Variants in ADISSP observed in about 807,000 individuals in gnomAD.
ADISSP encodes adipose secreted signaling protein, also known as adipose-secreted signaling protein.
At chr20:3,760,190 A>G in the ADISSP span, 2 of 1,119,902 alleles carry the variant, frequency 1.8e-6, no homozygotes, top group Non-Finnish European at 2.7e-6. Flanking sequence ...CGGGAGCCTG[A>G]AGGATAGGGA....
the ADISSP span, chr20:3,768,286 C>T: frequency 6.6e-6 from 1 of 152,396 alleles, no homozygotes; most frequent in African/African-American, 2.4e-5. Context: ...GGGTTTGGAC[C>T]TCTTCCCCTT....
chr20:3,758,759 G>A, the ADISSP span: 2 of 1,299,814 alleles, frequency 1.5e-6, no homozygotes, highest in Admixed American at 2.0e-5. This position sits in a 1 kb window ranked among gnomAD's most constrained non-coding sequence, Gnocchi z 5.5. Flanking sequence ...TCACCCCCAA[G>A]ACTGCCCTTG....
the ADISSP span, among the ~76,000 whole-genome samples, chr20:3,759,076 G>C: frequency 6.6e-6 from 1 of 152,150 alleles, no homozygotes; most frequent in African/African-American, 2.4e-5. This position sits in a 1 kb window ranked among gnomAD's most constrained non-coding sequence, Gnocchi z 4.6. Context: ...CCCCATCCCT[G>C]GGGCCTACCC....
At chr20:3,766,220 T>C in the ADISSP span, among the ~76,000 whole-genome samples, 105 of 152,254 alleles carry the variant, frequency 6.9e-4, no homozygotes, top group African/African-American at 2.4e-3. Context: ...AGAACAGCCA[T>C]TGAGGCCTTG....
chr20:3,758,433 G>T, the ADISSP span: 1 of 1,055,356 alleles, frequency 9.5e-7, no homozygotes. The surrounding 1 kb of genome is among the most constrained non-coding windows in gnomAD (Gnocchi z 5.5). Context: ...GAAAGGCACA[G>T]ACATGCCTAT....
At chr20:3,753,975 G>A in the ADISSP span, 19 of 1,077,538 alleles carry the variant, frequency 1.8e-5, no homozygotes, top group Non-Finnish European at 2.2e-5. Flanking sequence ...GAGGGGCGAG[G>A]AAGCCACACC....
At chr20:3,753,866 G>T in the ADISSP span, 1 of 606,890 alleles carries the variant, frequency 1.6e-6, no homozygotes, top group African/African-American at 1.8e-5. Context: ...AGAGGAGGAA[G>T]TGGGAGAGGA....
the ADISSP span, among the ~76,000 whole-genome samples, chr20:3,761,305 C>T: frequency 2.6e-5 from 4 of 151,556 alleles, no homozygotes; most frequent in Admixed American, 6.6e-5. Flanking sequence ...GGCGCCCAAG[C>T]GTCACTGACA....
the ADISSP span, among the ~76,000 whole-genome samples, chr20:3,765,766 GT>G: frequency 3.3e-5 from 5 of 152,102 alleles, no homozygotes; most frequent in South Asian, 1.0e-3. Context: ...CCTAGGGAGG[GT>G]CAGAGAACAG....
chr20:3,754,865 G>T, the ADISSP span, among the ~76,000 whole-genome samples: 7 of 152,210 alleles, frequency 4.6e-5, no homozygotes, highest in Non-Finnish European at 1.5e-5. Flanking sequence ...GAGGAGTGAG[G>T]GGGGCAGGGC....
At chr20:3,760,209 G>T in the ADISSP span, 4 of 932,156 alleles carry the variant, frequency 4.3e-6, no homozygotes, top group Non-Finnish European at 6.7e-6. Flanking sequence ...GAGTGGGGAG[G>T]GCAGGGGTCA....
the ADISSP span, chr20:3,754,301 G>A: frequency 6.6e-7 from 1 of 1,517,312 alleles, no homozygotes; most frequent in East Asian, 2.3e-5. Context: ...AGCCGGGCAA[G>A]GATCCCTTGT....
At chr20:3,757,932 T>C in the ADISSP span, among the ~76,000 whole-genome samples, 4 of 152,046 alleles carry the variant, frequency 2.6e-5, no homozygotes, top group African/African-American at 9.6e-5. Flanking sequence ...GGCACTCCTG[T>C]TCAACTCTGG....
chr20:3,758,652 G>A, the ADISSP span: 47 of 1,614,062 alleles, frequency 2.9e-5, no homozygotes, highest in Middle Eastern at 1.6e-4. This position sits in a 1 kb window ranked among gnomAD's most constrained non-coding sequence, Gnocchi z 5.5. Context: ...GCCGCAAAGC[G>A]GATACTCCGG....
the ADISSP span, among the ~76,000 whole-genome samples, chr20:3,761,635 C>T: frequency 2.0e-5 from 3 of 152,020 alleles, no homozygotes; most frequent in African/African-American, 2.4e-5. Flanking sequence ...CATGCCTGGC[C>T]GAGGACCTGG....
the ADISSP span, among the ~76,000 whole-genome samples, chr20:3,759,200 G>T: frequency 6.6e-6 from 1 of 152,126 alleles, no homozygotes; most frequent in Non-Finnish European, 1.5e-5. This position sits in a 1 kb window ranked among gnomAD's most constrained non-coding sequence, Gnocchi z 4.6. Context: ...AGAAACAGGG[G>T]GGATCAAAAA....
At chr20:3,755,938 G>T in the ADISSP span, among the ~76,000 whole-genome samples, 2 of 152,140 alleles carry the variant, frequency 1.3e-5, no homozygotes, top group Admixed American at 6.5e-5. Flanking sequence ...GTGTGGCCAG[G>T]GTCAAGTCCT....
At chr20:3,764,977 A>T in the ADISSP span, among the ~76,000 whole-genome samples, 1 of 152,186 alleles carries the variant, frequency 6.6e-6, no homozygotes, top group Non-Finnish European at 1.5e-5. Context: ...GCCTGCTTTG[A>T]GAGGGACATG....
chr20:3,754,212 G>C, the ADISSP span: 2 of 1,542,056 alleles, frequency 1.3e-6, no homozygotes, highest in East Asian at 4.5e-5. Flanking sequence ...CCACCCATGC[G>C]GCCCACTAAG....
Sources: allele counts gnomAD v4.1 joint callset (sites outside exome capture counted in the v4.1 genomes callset), GRCh38; gene constraint gnomAD v4.1.1; non-coding constraint Gnocchi (gnomAD v3.1); transcripts MANE v1.5; gene names NCBI Gene and HGNC (gene_info 2026-07-23, HGNC 2026-07-21).